The following ADGRL2 variants were observed in gnomAD, a reference collection of about 807,000 sequenced individuals.
ADGRL2 encodes adhesion G protein-coupled receptor L2, also known as calcium-independent alpha-latrotoxin receptor 2.
ADGRL2 carries 44 observed loss-of-function variants against 157.4 expected under a neutral mutation model. The ratio of observed to expected loss-of-function variants is 0.28; its 90% CI spans 0.22 to 0.36. The LOEUF (loss-of-function observed/expected upper bound fraction) is 0.36, where lower values mean the gene tolerates loss of function less well. Among genes scored for constraint, ADGRL2 ranks in the 10% least tolerant of loss-of-function variants. The pLI is 1.00. For synonymous variants in ADGRL2, 585 were observed against 624.7 expected, an observed-to-expected ratio of 0.94 and a Z score of 0.95; for missense variants, 1,510 against 1,768.9, an observed-to-expected ratio of 0.85 and a Z score of 2.63.
At chr1:81,684,395 C>T (rs568356822) in intron 3 of ADGRL2, among the ~76,000 whole-genome samples, 2 of 152,152 alleles carry the variant, frequency 1.3e-5, no homozygotes, top group East Asian at 1.9e-4. Context: ...TGATGTTGAG[C>T]GTTTTTTCTA....
chr1:81,432,364 C>A (rs2077337078), intron 1 of ADGRL2, among the ~76,000 whole-genome samples: 2 of 152,206 alleles, frequency 1.3e-5, no homozygotes, highest in South Asian at 4.1e-4. Context: ...TTGATGTTTT[C>A]TTCTTGGAGT....
intron 2 of ADGRL2, among the ~76,000 whole-genome samples, chr1:81,494,516 T>A (rs2078693998): frequency 6.6e-6 from 1 of 152,272 alleles, no homozygotes; most frequent in South Asian, 2.1e-4. Context: ...AAAGATCACC[T>A]GTGACATTCA....
chr1:81,801,612 T>G (rs1318680911), intron 1 of ADGRL2, among the ~76,000 whole-genome samples: 4 of 152,106 alleles, frequency 2.6e-5, no homozygotes, highest in African/African-American at 4.8e-5. Context: ...CAGCCTTCCT[T>G]GGGGCAGCGG....
At chr1:81,944,754 G>A (rs1185527835) in intron 6 of ADGRL2, among the ~76,000 whole-genome samples, 1 of 151,906 alleles carries the variant, frequency 6.6e-6, no homozygotes, top group African/African-American at 2.4e-5. Flanking sequence ...ATAGGGTGGG[G>A]CAGAGACTAA....
intron 20 of ADGRL2, 27 bp from the exon 21 acceptor site, chr1:81,985,232 A>G: frequency 1.5e-6 from 2 of 1,320,264 alleles, no homozygotes; most frequent in Non-Finnish European, 2.2e-6. Flanking sequence ...AACAAAACAT[A>G]TTTGTCTTGC....
At chr1:81,401,228 C>T (rs1051695720) in intron 1 of ADGRL2, among the ~76,000 whole-genome samples, 1 of 152,160 alleles carries the variant, frequency 6.6e-6, no homozygotes. Context: ...CACTTCAGCT[C>T]AGGCACAGAG....
chr1:81,896,098 A>G (rs1314822691), intron 2 of ADGRL2, among the ~76,000 whole-genome samples: 2 of 152,240 alleles, frequency 1.3e-5, no homozygotes, highest in African/African-American at 4.8e-5. Flanking sequence ...ATTACATTAA[A>G]TAACATAGAG....
intron 2 of ADGRL2, among the ~76,000 whole-genome samples, chr1:81,766,250 A>G (rs2149326687): frequency 6.6e-6 from 1 of 152,222 alleles, no homozygotes; most frequent in East Asian, 1.9e-4. Context: ...TGAATATGTT[A>G]TCTGTTAGTA....
At chr1:81,378,173 G>A (rs1157190217) in intron 1 of ADGRL2, among the ~76,000 whole-genome samples, 2 of 102,022 alleles carry the variant, frequency 2.0e-5, no homozygotes, top group African/African-American at 3.3e-5. Context: ...GAGAGACTCT[G>A]TCTCAAAAAA....
intron 2 of ADGRL2, among the ~76,000 whole-genome samples, chr1:81,904,336 TTAA>T (rs2094546544): frequency 6.6e-6 from 1 of 152,200 alleles, no homozygotes; most frequent in Admixed American, 6.5e-5. Context: ...GAAAAGAACA[TTAA>T]TGATTTAAAT....
chr1:81,696,408 ACT>A (rs974085855), upstream of ADGRL2, among the ~76,000 whole-genome samples: 4 of 152,006 alleles, frequency 2.6e-5, no homozygotes, highest in African/African-American at 7.2e-5. Context: ...GCTTGTGGAA[ACT>A]CTGACAATTA....
intron 2 of ADGRL2, among the ~76,000 whole-genome samples, chr1:81,523,117 A>T (rs1021155331): frequency 6.6e-6 from 1 of 152,200 alleles, no homozygotes; most frequent in African/African-American, 2.4e-5. Context: ...ACTACTGAAG[A>T]ACAAAAAACA....
chr1:81,814,655 T>A (rs2090205492), intron 1 of ADGRL2, among the ~76,000 whole-genome samples: 1 of 151,496 alleles, frequency 6.6e-6, no homozygotes, highest in East Asian at 1.9e-4. Flanking sequence ...GGAACAAAAA[T>A]AAACAATATT....
At chr1:81,486,753 T>A (rs1378468309) in intron 2 of ADGRL2, among the ~76,000 whole-genome samples, 1 of 152,198 alleles carries the variant, frequency 6.6e-6, no homozygotes, top group African/African-American at 2.4e-5. Flanking sequence ...TTTGGACATA[T>A]AAGTTAGAAA....
intron 1 of ADGRL2, among the ~76,000 whole-genome samples, chr1:81,802,836 G>A (rs1007971342): frequency 2.6e-5 from 4 of 152,120 alleles, no homozygotes; most frequent in African/African-American, 9.6e-5. Context: ...GTTCCTTCTC[G>A]TCAGTGGTTA....
intron 3 of ADGRL2, among the ~76,000 whole-genome samples, chr1:81,632,110 G>A (rs2082020983): frequency 6.6e-6 from 1 of 151,948 alleles, no homozygotes; most frequent in African/African-American, 2.4e-5. Flanking sequence ...TATGTGTCAG[G>A]CAATGTAATA....
intron 1 of ADGRL2, among the ~76,000 whole-genome samples, chr1:81,827,742 T>G (rs1422282660): frequency 6.6e-6 from 1 of 152,048 alleles, no homozygotes; most frequent in Non-Finnish European, 1.5e-5. Context: ...TTTTTGCATT[T>G]TTAGTAGAGA....
intron 1 of ADGRL2, among the ~76,000 whole-genome samples, chr1:81,393,637 G>A (rs906416129): frequency 9.2e-5 from 14 of 152,066 alleles, no homozygotes; most frequent in African/African-American, 2.9e-4. Context: ...TGAATCAAGA[G>A]GTAGGAGGAT....
At chr1:81,412,011 A>T (rs909769654) in intron 1 of ADGRL2, among the ~76,000 whole-genome samples, 1 of 152,222 alleles carries the variant, frequency 6.6e-6, no homozygotes, top group African/African-American at 2.4e-5. Context: ...CATTTTAACC[A>T]AGGGAAAAAT....
Sources: gnomAD v4.1 joint callset for allele counts (sites outside exome capture counted in the v4.1 genomes callset) on GRCh38, gnomAD v4.1.1 for gene constraint, MANE v1.5 for transcripts, NCBI Gene and HGNC (gene_info 2026-07-23, HGNC 2026-07-21) for gene names.